The following TSPAN14 variants were observed in gnomAD, a reference collection of about 807,000 sequenced individuals.
The protein encoded by TSPAN14 is tetraspanin 14.
A neutral mutation model predicts 36.6 loss-of-function variants in TSPAN14; 16 were observed. The ratio of observed to expected loss-of-function variants is 0.44; its 90% CI spans 0.30 to 0.66. The LOEUF is 0.66. Among genes scored for constraint, TSPAN14 ranks in the 30% least tolerant of loss-of-function variants. The probability of loss-of-function intolerance (pLI) is 0.12; values close to 1 mark genes in which losing one functional copy is unlikely to be tolerated. For missense variants in TSPAN14, 231 were observed against 355.1 expected (o/e 0.65, Z 2.81); for synonymous variants, 139 against 143.8 (o/e 0.97, Z 0.24).
intron 1 of TSPAN14, among the ~76,000 whole-genome samples, chr10:80,474,742 A>G (rs559948432): frequency 3.9e-5 from 6 of 152,256 alleles, no homozygotes; most frequent in African/African-American, 1.4e-4. Context: ...GCCTTTGTGC[A>G]GGGTCAGGCC....
intron 1 of TSPAN14, among the ~76,000 whole-genome samples, chr10:80,488,711 G>A (rs547002286): frequency 6.6e-6 from 1 of 152,216 alleles, no homozygotes; most frequent in East Asian, 1.9e-4. Flanking sequence ...CTGCCTGCAC[G>A]TTCATCTCCC....
chr10:80,485,668 C>T (rs185213848), intron 1 of TSPAN14: 476 of 985,424 alleles, frequency 4.8e-4, no homozygotes, highest in Admixed American at 1.7e-3. Flanking sequence ...CTTTCCAACC[C>T]GCTGGCCAAC....
intron 1 of TSPAN14, among the ~76,000 whole-genome samples, chr10:80,471,879 G>GA (rs1846571803): frequency 6.6e-6 from 1 of 152,194 alleles, no homozygotes; most frequent in African/African-American, 2.4e-5. Flanking sequence ...GAATCATTCT[G>GA]AAAATCTCTC....
intron 3 of TSPAN14, among the ~76,000 whole-genome samples, chr10:80,505,336 T>A (rs1311085765): frequency 6.6e-6 from 1 of 151,708 alleles, no homozygotes; most frequent in African/African-American, 2.4e-5. Context: ...AGGAAGGGGA[T>A]GAGACTGGAT....
Position 80,509,477 on chromosome 10 carries a change from C to T in TSPAN14, c.450+6C>T, listed in dbSNP as rs952801785. The T allele has an allele frequency of 1.2e-5, 19 of 1,612,998 alleles. No individual in the cohort carries two copies. The African/African-American group carries it at 2.3e-4, about 19-fold the overall frequency. ...TCGACTCCCTTCAGAAAGCTGTAAG[C>T]ACCTCCCCAGCGGGCCCCCGATAGA... On this transcript the variant is annotated splice_donor_region_variant and intron_variant, in intron 5 of 8. Transcript: ENST00000429989. This position sits in a 1 kb window ranked among gnomAD's most constrained non-coding sequence, Gnocchi z 4.7.
chr10:80,504,936 A>G (rs990752882), intron 3 of TSPAN14, among the ~76,000 whole-genome samples, 158 bp downstream of exon 3: 12 of 152,176 alleles, frequency 7.9e-5, no homozygotes, highest in African/African-American at 2.4e-4. Flanking sequence ...GCTCTTGCGT[A>G]CTCTGCCCAC....
At chr10:80,501,105 G>GTTTTTTTT (rs10713598) in intron 2 of TSPAN14, among the ~76,000 whole-genome samples, 1 of 140,004 alleles carries the variant, frequency 7.1e-6, no homozygotes, top group Non-Finnish European at 1.6e-5. Flanking sequence ...AACTGACGCT[G>GTTTTTTTT]TTTTTTTTTT....
chr10:80,499,009 C>A, intron 2 of TSPAN14, among the ~76,000 whole-genome samples: 1 of 152,208 alleles, frequency 6.6e-6, no homozygotes, highest in East Asian at 1.9e-4. Flanking sequence ...CTGAGAGCAT[C>A]GCCTGCTGCT....
chr10:80,469,396 GT>G (rs1413925891), intron 1 of TSPAN14, among the ~76,000 whole-genome samples: 1 of 152,210 alleles, frequency 6.6e-6, no homozygotes, highest in Non-Finnish European at 1.5e-5. Context: ...TTTTGTAGTA[GT>G]TTTGCAGCAG....
intron 2 of TSPAN14, among the ~76,000 whole-genome samples, chr10:80,495,363 GTGTGTGTGTGTGTGTA>G (rs200363344): frequency 0.49 from 60,864 of 124,784 alleles, 12,912 homozygotes; most frequent in East Asian, 0.79. Context: ...GTGTGTGTGT[GTGTGTGTGTGTGTGTA>G]TGTACATGTG....
chr10:80,514,050 A>C (rs530537887), exon 7 of TSPAN14: 1 of 1,613,914 alleles, frequency 6.2e-7, no homozygotes, highest in African/African-American at 1.3e-5. Flanking sequence ...TGTGGATATG[A>C]TGTCAGGATT....
chr10:80,465,963 G>A (rs999698670), intron 1 of TSPAN14, among the ~76,000 whole-genome samples: 1 of 152,066 alleles, frequency 6.6e-6, no homozygotes, highest in African/African-American at 2.4e-5. Flanking sequence ...GGTTGCAGGC[G>A]GGGTGAAGGC....
chr10:80,497,011 T>A (rs1420264441), intron 2 of TSPAN14, among the ~76,000 whole-genome samples: 1 of 152,180 alleles, frequency 6.6e-6, no homozygotes, highest in Non-Finnish European at 1.5e-5. Context: ...TGATTGGATA[T>A]TAGTTATAGT....
chr10:80,478,167 G>T (rs544941563), intron 1 of TSPAN14, among the ~76,000 whole-genome samples: 109 of 152,262 alleles, frequency 7.2e-4, no homozygotes, highest in Non-Finnish European at 1.4e-3. Flanking sequence ...AAAAATTCTT[G>T]TATCCATGAA....
intron 1 of TSPAN14, among the ~76,000 whole-genome samples, chr10:80,488,293 G>C (rs1395241610): frequency 6.6e-6 from 1 of 152,212 alleles, no homozygotes; most frequent in Non-Finnish European, 1.5e-5. Flanking sequence ...ATTGCCACTG[G>C]GGTTCAAAAA....
Position 80,504,674 on chromosome 10 carries a change from C to T in TSPAN14, c.82-54C>T, listed in dbSNP as rs1840189655. ...TGGACTTTGCTCTGTGAAGCATGTT[C>T]ACAGTGCTGGTTTCCAACCTAACTT... is the stretch of plus-strand genomic sequence containing the variant. On this transcript the variant is annotated intron_variant, in intron 2 of 8. Transcript: ENST00000429989. 4.4e-6 allele frequency: 7 copies of T among 1,608,248 alleles called. No individual in the cohort carries two copies. The South Asian group carries it at 6.6e-5, about 15-fold the overall frequency.
At chr10:80,495,871 A>G (rs1217760050) in intron 2 of TSPAN14, among the ~76,000 whole-genome samples, 1 of 152,212 alleles carries the variant, frequency 6.6e-6, no homozygotes. Context: ...CAATGAAGAT[A>G]TAAAACATTC....
At chr10:80,463,265 C>T (rs1846073454) in intron 1 of TSPAN14, 1 of 152,084 alleles carries the variant, frequency 6.6e-6, no homozygotes, top group Non-Finnish European at 1.5e-5. Flanking sequence ...ATTGTGTGTC[C>T]AGCCACAAAC....
chr10:80,488,322 G>T (rs1847738939), intron 1 of TSPAN14, among the ~76,000 whole-genome samples: 1 of 152,206 alleles, frequency 6.6e-6, no homozygotes, highest in Non-Finnish European at 1.5e-5. Flanking sequence ...GCAAAGGTAG[G>T]CCAGGCCCTC....
Sources: allele counts gnomAD v4.1 joint callset (sites outside exome capture counted in the v4.1 genomes callset), GRCh38; gene constraint gnomAD v4.1.1; non-coding constraint Gnocchi (gnomAD v3.1); transcripts MANE v1.5; gene names NCBI Gene and HGNC (gene_info 2026-07-23, HGNC 2026-07-21).